PHACTR1: variants seen among roughly 807,000 people sequenced by gnomAD.
The protein encoded by PHACTR1 is RPEL repeat containing 1.
Under a neutral mutation model 69.2 loss-of-function variants are expected in PHACTR1, and 16 were observed. The observed-to-expected ratio is 0.23, with a 90% CI of 0.16 to 0.35. The LOEUF (loss-of-function observed/expected upper bound fraction) is 0.35, where lower values mean the gene tolerates loss of function less well. PHACTR1 is among the 10% of genes least tolerant of loss of function. The pLI is 1.00. For missense variants in PHACTR1, 510 were observed against 734.7 expected (o/e 0.69, Z 3.54); for synonymous variants, 312 against 284.5 (o/e 1.10, Z -0.97).
chr6:12,851,883 G>A (rs1202500607), intron 4 of PHACTR1, among the ~76,000 whole-genome samples: 1 of 152,024 alleles, frequency 6.6e-6, no homozygotes, highest in Non-Finnish European at 1.5e-5. Context: ...TACCCAGACT[G>A]GAGTGCAGTG....
At chr6:12,973,818 G>A (rs916140551) in intron 4 of PHACTR1, among the ~76,000 whole-genome samples, 2 of 151,964 alleles carry the variant, frequency 1.3e-5, no homozygotes, top group Admixed American at 6.5e-5. Flanking sequence ...AAGGGTCCTG[G>A]GTTCTAAGGG....
chr6:12,922,837 A>G (rs556955103), intron 4 of PHACTR1, among the ~76,000 whole-genome samples: 20 of 152,324 alleles, frequency 1.3e-4, no homozygotes, highest in African/African-American at 4.1e-4. Flanking sequence ...ACCATTGTCT[A>G]TTAAGATTGG....
intron 5 of PHACTR1, among the ~76,000 whole-genome samples, chr6:13,088,307 G>A (rs1272035333): frequency 1.6e-5 from 2 of 121,836 alleles, no homozygotes; most frequent in African/African-American, 3.4e-5. Context: ...CCCCCACCAC[G>A]CCCCACTACC....
chr6:12,933,543 T>A, intron 4 of PHACTR1: 2 of 1,552,902 alleles, frequency 1.3e-6, no homozygotes, highest in Non-Finnish European at 1.7e-6. Context: ...TTTAATATAA[T>A]GGATCTCGCC....
At chr6:12,977,089 C>A (rs1308209174) in intron 4 of PHACTR1, among the ~76,000 whole-genome samples, 1 of 152,098 alleles carries the variant, frequency 6.6e-6, no homozygotes, top group Non-Finnish European at 1.5e-5. Flanking sequence ...CCTCGGCCTT[C>A]TGAGTAGCTG....
chr6:12,760,817 C>G (rs866573677), intron 4 of PHACTR1, among the ~76,000 whole-genome samples: 105 of 152,286 alleles, frequency 6.9e-4, no homozygotes, highest in African/African-American at 2.4e-3. Flanking sequence ...CCTGTAATCC[C>G]AACTACTCGG....
chr6:13,239,824 C>A (rs1772558481), intron 10 of PHACTR1, among the ~76,000 whole-genome samples: 1 of 152,174 alleles, frequency 6.6e-6, no homozygotes, highest in South Asian at 2.1e-4. Flanking sequence ...TATGTCCATG[C>A]CTGTGTGTCA....
At position 13,154,475 on chromosome 6, in the gene PHACTR1, A is replaced by G. The variant is rs148154659; in HGVS notation, c.416-5729A>G. On this transcript the variant is annotated intron_variant, in intron 5 of 14. Coordinates refer to ENST00000332995, the MANE Select transcript of PHACTR1 (RefSeq NM_030948.6). ...GCCCAGCCTGCCGTGTATTTTAATA[A>G]CTGTATAATATCAGAGTGATTTTTG... 3.6e-3 allele frequency among the ~76,000 whole-genome samples: 543 copies of G among 152,238 alleles called. 1 individual carries two copies. Among genetic ancestry groups the G allele is most frequent in the African/African-American group, 0.012 (497 of 41,522 alleles).
At chr6:13,222,980 G>A (rs1768926329) in intron 8 of PHACTR1, among the ~76,000 whole-genome samples, 1 of 152,058 alleles carries the variant, frequency 6.6e-6, no homozygotes, top group Non-Finnish European at 1.5e-5. Context: ...ATATTTTATT[G>A]AATATTGTAT....
At chr6:13,242,553 G>A (rs535228732) in intron 10 of PHACTR1, among the ~76,000 whole-genome samples, 13 of 152,246 alleles carry the variant, frequency 8.5e-5, no homozygotes, top group African/African-American at 2.6e-4. Context: ...GTCTTGGGGC[G>A]AGTACATGGA....
intron 5 of PHACTR1, among the ~76,000 whole-genome samples, chr6:13,139,072 G>A (rs1453209958): frequency 1.3e-5 from 2 of 148,630 alleles, no homozygotes; most frequent in Non-Finnish European, 1.5e-5. Context: ...TTTATACTTA[G>A]TTAGAGAAAT....
intron 4 of PHACTR1, among the ~76,000 whole-genome samples, chr6:13,019,788 G>A (rs1800704243): frequency 6.6e-6 from 1 of 152,276 alleles, no homozygotes; most frequent in Admixed American, 6.5e-5. Flanking sequence ...CTTTAATGGG[G>A]GTGGGTGAAA....
chr6:13,125,242 A>G (rs1013819450), intron 5 of PHACTR1, among the ~76,000 whole-genome samples: 7 of 152,248 alleles, frequency 4.6e-5, no homozygotes, highest in Non-Finnish European at 7.3e-5. Context: ...ATTTCCTGCT[A>G]TAGTGGCAGT....
intron 4 of PHACTR1, among the ~76,000 whole-genome samples, chr6:12,898,591 C>T (rs887704721): frequency 3.9e-5 from 6 of 152,130 alleles, no homozygotes; most frequent in Non-Finnish European, 5.9e-5. Flanking sequence ...TTATCTTGGC[C>T]GCTGCTACTT....
Position 13,013,045 on chromosome 6 carries a change from TTTTTGTTTTG to T in PHACTR1, c.251-40305_251-40296del, listed in dbSNP as rs952751544. 9.2e-5 allele frequency among the ~76,000 whole-genome samples: 14 copies of T among 152,170 alleles called. No homozygotes were observed. In the South Asian group the frequency reaches 1.7e-3, roughly 18 times the overall value. On this transcript the variant is annotated intron_variant, in intron 4 of 14. Transcript: ENST00000332995. ...GTGACAGCCCATCTCTAAAAACAAT[TTTTTGTTTTG>T]TTTTGTTTTGTTTTTTAAAGAAAAG...
chr6:13,225,904 G>T (rs1325187613), intron 8 of PHACTR1, among the ~76,000 whole-genome samples: 1 of 152,178 alleles, frequency 6.6e-6, no homozygotes, highest in Admixed American at 6.5e-5. Flanking sequence ...AGCGCAGTTG[G>T]AATGGAGTGG....
At chr6:13,208,686 C>T (rs955528099) in intron 8 of PHACTR1, among the ~76,000 whole-genome samples, 4 of 144,560 alleles carry the variant, frequency 2.8e-5, no homozygotes, top group South Asian at 4.6e-4. Context: ...CTCTCATGAG[C>T]GTCAATCATC....
intron 5 of PHACTR1, among the ~76,000 whole-genome samples, chr6:13,054,602 C>T (rs919341035): frequency 1.3e-5 from 2 of 152,162 alleles, no homozygotes; most frequent in Non-Finnish European, 2.9e-5. Context: ...TTTTTGTGTG[C>T]ACAGAGAGAG....
chr6:12,874,671 A>C (rs980711383), intron 4 of PHACTR1, among the ~76,000 whole-genome samples: 2 of 152,206 alleles, frequency 1.3e-5, no homozygotes, highest in African/African-American at 4.8e-5. Context: ...ACACATTTCC[A>C]AATGTGGTAT....
Sources: allele counts gnomAD v4.1 joint callset (sites outside exome capture counted in the v4.1 genomes callset), GRCh38; gene constraint gnomAD v4.1.1; transcripts MANE v1.5; gene names NCBI Gene and HGNC (gene_info 2026-07-23, HGNC 2026-07-21).